NT5E: variants seen among roughly 807,000 people sequenced by gnomAD.
The protein encoded by NT5E is 5'-nucleotidase ecto.
NT5E carries 53 observed loss-of-function variants against 55.1 expected under a neutral mutation model. That is an observed-to-expected ratio of 0.96 (90% CI 0.77 to 1.21). The LOEUF (loss-of-function observed/expected upper bound fraction) is 1.21. NT5E is among the 50% of genes most tolerant of loss of function. The probability of loss-of-function intolerance (pLI) is 0.00; values close to 1 mark genes in which losing one functional copy is unlikely to be tolerated. For missense variants in NT5E, 683 were observed against 724.3 expected, an observed-to-expected ratio of 0.94 and a Z score of 0.65; for synonymous variants, 270 against 278.4, an observed-to-expected ratio of 0.97 and a Z score of 0.30.
chr6:85,485,848 A>G (rs1769643764), intron 4 of NT5E, among the ~76,000 whole-genome samples: 1 of 152,196 alleles, frequency 6.6e-6, no homozygotes, highest in Non-Finnish European at 1.5e-5. Flanking sequence ...CAGTTTCTTT[A>G]TCAAATGAGG....
chr6:85,461,473 C>T (rs61534424), intron 1 of NT5E, among the ~76,000 whole-genome samples: 1,608 of 152,310 alleles, frequency 0.011, 35 homozygotes, highest in African/African-American at 0.037. Flanking sequence ...GCTAAAAATG[C>T]CTCACAGGCC....
chr6:85,468,273 C>T (rs1352102804), intron 2 of NT5E, among the ~76,000 whole-genome samples: 1 of 152,320 alleles, frequency 6.6e-6, no homozygotes, highest in South Asian at 2.1e-4. Flanking sequence ...GGTCCTGCAG[C>T]TGGCATAGAG....
rs569085092 is a variant in NT5E at position 85,481,543 on chromosome 6, C to A, written c.752-3692C>A. On this transcript the variant is annotated intron_variant, in intron 3 of 8. Coordinates refer to ENST00000257770, the MANE Select transcript of NT5E (RefSeq NM_002526.4). ...CCACAATAACTCTGTAAGGTAGGTG[C>A]TTTTGCTTTTTTTCCACTTTACAGA... Among the ~76,000 whole-genome samples the A allele has an allele frequency of 2.0e-5, 3 of 152,318 alleles. No homozygotes were observed. The South Asian group carries it at 6.2e-4, about 32-fold the overall frequency.
intron 1 of NT5E, among the ~76,000 whole-genome samples, chr6:85,461,186 T>C (rs1769092041): frequency 1.3e-5 from 2 of 152,012 alleles, no homozygotes. Flanking sequence ...AGAGACAGAG[T>C]TAAATCCTGA....
chr6:85,485,133 C>A, intron 3 of NT5E, 102 bp from the exon 4 acceptor site: 1 of 1,107,278 alleles, frequency 9.0e-7, no homozygotes, highest in Non-Finnish European at 1.4e-6. Context: ...GATGGCAAAT[C>A]ATCAATTTAA....
chr6:85,471,631 TAA>T (rs907171128), intron 3 of NT5E: 24 of 255,162 alleles, frequency 9.4e-5, no homozygotes, highest in African/African-American at 5.2e-4. Context: ...TTCATGATTA[TAA>T]GTCAATTCCA....
intron 1 of NT5E, among the ~76,000 whole-genome samples, chr6:85,454,370 T>A (rs1378942167): frequency 6.6e-6 from 1 of 152,268 alleles, no homozygotes; most frequent in Non-Finnish European, 1.5e-5. Flanking sequence ...TATCCAGCTT[T>A]ATTGTAGGTG....
chr6:85,452,475 A>G (rs2127753309), intron 1 of NT5E, among the ~76,000 whole-genome samples: 1 of 152,310 alleles, frequency 6.6e-6, no homozygotes, highest in African/African-American at 2.4e-5. Context: ...TTTGTTCAGA[A>G]TCCTTTTTGT....
intron 6 of NT5E, 48 bp downstream of exon 6, chr6:85,489,647 TCTC>T (rs1218476066): frequency 2.2e-6 from 3 of 1,353,334 alleles, no homozygotes; most frequent in African/African-American, 2.9e-5. Context: ...CTCTCTCTGA[TCTC>T]CTTTTCTGTT....
intron 3 of NT5E, among the ~76,000 whole-genome samples, chr6:85,482,659 C>A (rs886149866): frequency 6.6e-6 from 1 of 152,342 alleles, no homozygotes; most frequent in African/African-American, 2.4e-5. Context: ...TGGATGAATT[C>A]TCGGCTAGAT....
chr6:85,479,588 A>G (rs1006594783), intron 3 of NT5E, among the ~76,000 whole-genome samples: 6 of 152,208 alleles, frequency 3.9e-5, no homozygotes, highest in Non-Finnish European at 7.4e-5. Context: ...GCAGTAGACA[A>G]CCTTTGTAGG....
In NT5E at chr6:85,450,339, A is replaced by G. The variant is rs1768828810; in HGVS notation, c.200A>G (p.Lys67Arg). The G allele has an allele frequency of 6.3e-7, 1 of 1,596,888 alleles. No individual in the cohort carries two copies. Among genetic ancestry groups the G allele is most frequent in the South Asian group, 1.1e-5 (1 of 88,126 alleles). Residue 67 changes from lysine to arginine, a missense_variant, in exon 1 of 9, where the codon AAG becomes AGG. Transcript: ENST00000257770. The surrounding 1 kb of genome is among the most constrained non-coding windows in gnomAD (Gnocchi z 4.0). ...GGTGGCGTGGCTCGGCTCTTCACCAAGGTTCAGCAGATCCGCCGCGCCGAA... is the reference window on the plus strand; with the variant it reads ...GGTGGCGTGGCTCGGCTCTTCACCAGGGTTCAGCAGATCCGCCGCGCCGAA... Reference protein sequence around the residue: ...CMGGVARLFTKVQQIRRAEPN... With the variant: ...CMGGVARLFTRVQQIRRAEPN...
intron 4 of NT5E, among the ~76,000 whole-genome samples, chr6:85,485,657 C>T (rs1374726650): frequency 1.3e-5 from 2 of 152,226 alleles, no homozygotes; most frequent in East Asian, 1.9e-4. Flanking sequence ...AGATTCCATA[C>T]ATCACTGCTT....
intron 1 of NT5E, among the ~76,000 whole-genome samples, chr6:85,463,650 A>G (rs940729326): frequency 6.6e-6 from 1 of 152,154 alleles, no homozygotes; most frequent in Non-Finnish European, 1.5e-5. Flanking sequence ...TTTTCCTGAG[A>G]TGTTTTCATG....
chr6:85,483,860 C>T (rs539286139), intron 3 of NT5E, among the ~76,000 whole-genome samples: 1 of 152,180 alleles, frequency 6.6e-6, no homozygotes, highest in Non-Finnish European at 1.5e-5. Flanking sequence ...AGCTTGCAGA[C>T]TTTAGGGGAA....
At chr6:85,488,881 C>CTTTTTTTTTTT (rs71679910) in intron 5 of NT5E, among the ~76,000 whole-genome samples, 1 of 102,708 alleles carries the variant, frequency 9.7e-6, no homozygotes, top group African/African-American at 3.4e-5. Flanking sequence ...TATGCCTGGC[C>CTTTTTTTTTTT]TTTTTTTTTT....
At chr6:85,456,340 G>A (rs1014531181) in intron 1 of NT5E, among the ~76,000 whole-genome samples, 27 of 152,108 alleles carry the variant, frequency 1.8e-4, no homozygotes, top group Non-Finnish European at 3.4e-4. Context: ...TCTGTGACTC[G>A]TTCTAGCCAA....
rs1404119480 is a variant in NT5E at position 85,471,293 on chromosome 6, T to G, written c.619T>G (p.Leu207Val). 8 of 1,612,458 alleles carry G rather than the reference T, an allele frequency of 5.0e-6. No individual in the cohort carries two copies. The highest frequency in any genetic ancestry group is 6.8e-6 in the Non-Finnish European group (8 of 1,178,880). ...TGCATTACAACCTGAAGTAGATAAG[T>G]TAAAAACTCTAAATGTGAACAAAAT... ...ITALQPEVDK[L>V]KTLNVNKIIA... The change falls in exon 3 of 9, where the codon TTA becomes GTA. Residue 207 changes from leucine to valine, a missense_variant. By Grantham distance (32) the Leu-to-Val change is conservative. Transcript: ENST00000257770.
chr6:85,460,047 T>C (rs906414209), intron 1 of NT5E, among the ~76,000 whole-genome samples: 1 of 152,316 alleles, frequency 6.6e-6, no homozygotes, highest in South Asian at 2.1e-4. Context: ...ATGACCTTAT[T>C]TGGAAATTAC....
Sources: gnomAD v4.1 joint callset for allele counts (sites outside exome capture counted in the v4.1 genomes callset) on GRCh38, gnomAD v4.1.1 for gene constraint, Gnocchi (gnomAD v3.1) non-coding constraint, MANE v1.5 for transcripts, NCBI Gene and HGNC (gene_info 2026-07-23, HGNC 2026-07-21) for gene names.